The following NUAK2 variants were observed in gnomAD, a reference collection of about 807,000 sequenced individuals.
The protein encoded by NUAK2 is NUAK family SNF1-like kinase 2.
A neutral mutation model predicts 29.8 loss-of-function variants in NUAK2; 20 were observed. That is an observed-to-expected ratio of 0.67 (90% CI 0.47 to 0.98). NUAK2 has a LOEUF of 0.98. Among genes scored for constraint, NUAK2 ranks in the 50% least tolerant of loss-of-function variants. The pLI is 0.00. For synonymous variants in NUAK2, 331 were observed against 342.6 expected (o/e 0.97, Z 0.37); for missense variants, 719 against 834.5 (o/e 0.86, Z 1.71).
At position 205,306,284 on chromosome 1, in the gene NUAK2, G is replaced by C. The variant is rs749879707; in HGVS notation, c.594C>G (p.Asn198Lys). The C allele has an allele frequency of 1.2e-6, 2 of 1,613,616 alleles. No individual in the cohort carries two copies. Residue 198 changes from asparagine (N) to lysine (K), a missense_variant, in exon 5 of 7, where the codon AAC (asparagine) becomes AAG (lysine). By Grantham distance (94) the Asn-to-Lys change is moderately conservative. Around this residue, in one of 3 missense-constraint regions of NUAK2, gnomAD observed 283 missense variants for 345.6 expected, o/e 0.82. Coordinates refer to ENST00000367157, the MANE Select transcript of NUAK2 (RefSeq NM_030952.3). ...GCAGGAACTTGCCTTGATGGTAGAGGTTGGAGAGACCGAAGTCAGCAATCT... is the reference window on the plus strand; with the variant it reads ...GCAGGAACTTGCCTTGATGGTAGAGCTTGGAGAGACCGAAGTCAGCAATCT... ...NIKIADFGLS[N>K]LYHQGKFLQT...
In NUAK2 at chr1:205,309,821, A is replaced by T. The variant is rs182805088; in HGVS notation, c.353-1089T>A. 6.6e-5 allele frequency among the ~76,000 whole-genome samples: 10 copies of T among 152,332 alleles called. 1 individual carries two copies. Among genetic ancestry groups the T allele is most frequent in the African/African-American group, 1.9e-4 (8 of 41,564 alleles). ...GAGGATCCAGGGCAGGGCCTCATGC[A>T]TAAGGCCTTGTACACAGAAGCAATC... On this transcript the variant is annotated intron_variant, in intron 2 of 6. Coordinates refer to ENST00000367157, the MANE Select transcript of NUAK2 (RefSeq NM_030952.3).
chr1:205,309,812 G>A (rs982232964), intron 2 of NUAK2, among the ~76,000 whole-genome samples: 2 of 152,202 alleles, frequency 1.3e-5, no homozygotes, highest in African/African-American at 4.8e-5. Flanking sequence ...CCAGGGCAGG[G>A]CCTCATGCAT....
At chr1:205,320,251 T>TC (rs1553381515) in intron 1 of NUAK2, among the ~76,000 whole-genome samples, 1 of 151,008 alleles carries the variant, frequency 6.6e-6, no homozygotes, top group Non-Finnish European at 1.5e-5. Context: ...TTTTTTTGTT[T>TC]GTTTCGTTTT....
Position 205,303,269 on chromosome 1 carries a change from C to G in NUAK2, c.*181G>C, listed in dbSNP as rs999396471. Reference sequence around the variant, plus strand: ...GCAGGGCTGAAGACAGACACTGAACCCTTGGCGCATTTCATTTGCCTACTT... The same window carrying G: ...GCAGGGCTGAAGACAGACACTGAACGCTTGGCGCATTTCATTTGCCTACTT... On this transcript the variant is annotated 3_prime_UTR_variant, in exon 7 of 7. Transcript: ENST00000367157. 7.9e-6 allele frequency: 4 copies of G among 508,106 alleles called. No individual in the cohort carries two copies. Among genetic ancestry groups the G allele is most frequent in the African/African-American group, 5.9e-5 (3 of 50,834 alleles). The allele number at this position is 508,106 out of a possible 1,614,324, so 31.5% of individuals were successfully genotyped here.
In NUAK2 at chr1:205,321,391, C is replaced by CA. The variant is rs1391197576; in HGVS notation, c.231+6dup. On this transcript the variant is annotated splice_region_variant and intron_variant, in intron 1 of 6. Coordinates refer to ENST00000367157, the MANE Select transcript of NUAK2 (RefSeq NM_030952.3). ...CGCCCCGCGCCGCGAGAGGGAGCCG[C>CA]ACTCACCAGGCGCCCCGAGCTCTCC... The CA allele has an allele frequency of 1.2e-6, 2 of 1,611,372 alleles. No homozygotes were observed. Among genetic ancestry groups the CA allele is most frequent in the Non-Finnish European group, 1.7e-6 (2 of 1,178,824 alleles).
In NUAK2 at chr1:205,304,317, G is replaced by A. The variant is rs780455513; in HGVS notation, c.1020C>T (p.Ser340=). Residue 340 remains serine, a synonymous_variant, in exon 7 of 7, where the codon TCC becomes TCT. Transcript: ENST00000367157. The surrounding 1 kb of genome is among the most constrained non-coding windows in gnomAD (Gnocchi z 6.5). The part of the protein sequence containing the change: ...ASMADWLRRS[S]RPLLENGAKV... ...TGGCCCCATTCTCCAGGAGGGGGCGGGAGGAACGCCGGAGCCAGTCAGCCA... is the reference window on the plus strand; with the variant it reads ...TGGCCCCATTCTCCAGGAGGGGGCGAGAGGAACGCCGGAGCCAGTCAGCCA... The A allele has an allele frequency of 8.1e-6, 13 of 1,610,280 alleles. No individual in the cohort carries two copies. The highest frequency in any genetic ancestry group is 1.1e-5 in the Non-Finnish European group (13 of 1,177,582).
At chr1:205,319,010 G>T (rs191069424) in intron 1 of NUAK2, among the ~76,000 whole-genome samples, 1 of 151,960 alleles carries the variant, frequency 6.6e-6, no homozygotes, top group Admixed American at 6.6e-5. Flanking sequence ...CATTCTAGGG[G>T]AGGTCTTGGG....
At chr1:205,317,377 G>A (rs754871145) in intron 1 of NUAK2, among the ~76,000 whole-genome samples, 1 of 152,218 alleles carries the variant, frequency 6.6e-6, no homozygotes, top group Non-Finnish European at 1.5e-5. Context: ...AGCAGCTGCT[G>A]TCTGGGAGGC....
intron 1 of NUAK2, among the ~76,000 whole-genome samples, chr1:205,320,522 CCA>C (rs958701827): frequency 6.2e-4 from 94 of 152,276 alleles, no homozygotes; most frequent in African/African-American, 2.2e-3. Flanking sequence ...CCTCGGCCTC[CCA>C]CAGTGCTGGG....
At chr1:205,321,189 G>A (rs1662411091) in intron 1 of NUAK2, among the ~76,000 whole-genome samples, 1 of 152,156 alleles carries the variant, frequency 6.6e-6, no homozygotes, top group Admixed American at 6.5e-5. Flanking sequence ...TTGCTGGCTG[G>A]GGTTCGCAAG....
At position 205,304,528 on chromosome 1, in the gene NUAK2, G is replaced by T; in HGVS notation, c.824-15C>A. On this transcript the variant is annotated splice_polypyrimidine_tract_variant and intron_variant, in intron 6 of 6. Coordinates refer to ENST00000367157, the MANE Select transcript of NUAK2 (RefSeq NM_030952.3). This position sits in a 1 kb window ranked among gnomAD's most constrained non-coding sequence, Gnocchi z 6.5. ...GCCACAGGCATCTGGAAGACAAAAG[G>T]CAGGTGCTTCAGTTTGGCAGCTCCC... 2 of 1,497,744 alleles carry T rather than the reference G, an allele frequency of 1.3e-6. No individual in the cohort carries two copies. The highest frequency in any genetic ancestry group is 1.8e-6 in the Non-Finnish European group (2 of 1,124,210). The allele number at this position is 1,497,744 out of a possible 1,614,324, so 92.8% of individuals were successfully genotyped here. A position where few individuals can be genotyped will look rare whatever the true frequency, so the allele number is the denominator to read the frequency against.
At position 205,306,301 on chromosome 1, in the gene NUAK2, C is replaced by T. The variant is rs550893593; in HGVS notation, c.577G>A (p.Asp193Asn). The change falls in exon 5 of 7, where the codon GAC becomes AAC. Residue 193 changes from aspartate (D) to asparagine (N), a missense_variant. Asp to Asn is a conservative substitution (Grantham distance 23). Transcript: ENST00000367157. ...TGGTAGAGGTTGGAGAGACCGAAGTCAGCAATCTGCAGGATTGAGTCAAAC... is the reference window on the plus strand; with the variant it reads ...TGGTAGAGGTTGGAGAGACCGAAGTTAGCAATCTGCAGGATTGAGTCAAAC... ...LDANGNIKIADFGLSNLYHQG... is the reference protein window; with the variant it reads ...LDANGNIKIANFGLSNLYHQG... 6.2e-7 allele frequency: 1 copy of T among 1,611,264 alleles called. No homozygotes were observed. Among genetic ancestry groups the T allele is most frequent in the Non-Finnish European group, 8.5e-7 (1 of 1,178,864 alleles).
Position 205,303,774 on chromosome 1 carries a change from G to A in NUAK2, c.1563C>T (p.Phe521=), listed in dbSNP as rs565958619. Residue 521 remains phenylalanine (F), a synonymous_variant, in exon 7 of 7, where the codon TTC becomes TTT. Transcript: ENST00000367157. ...GTGGGGCGAGTTCATCCAGGGAGCC[G>A]AAGGTGGTGGGGGCCGCGAGCTCCA... The part of the protein sequence containing the change: ...TALELAAPTT[F]GSLDELAPPR... 27 of 1,554,874 alleles carry A rather than the reference G, an allele frequency of 1.7e-5. No homozygotes were observed. The highest frequency in any genetic ancestry group is 1.1e-4 in the South Asian group (9 of 81,062).
At chr1:205,320,413 C>T (rs1662396282) in intron 1 of NUAK2, among the ~76,000 whole-genome samples, 1 of 152,080 alleles carries the variant, frequency 6.6e-6, no homozygotes, top group Non-Finnish European at 1.5e-5. Context: ...TACAGGCGTC[C>T]GCCACCACGC....
rs774542702 is a variant in NUAK2 at position 205,311,699 on chromosome 1, C to A, written c.352+6G>T. ...CCCAAGTTCCAGCTTTAAGTGCCCA[C>A]TGTACCTTCATGGATGGCAATGATG... On this transcript the variant is annotated splice_donor_region_variant and intron_variant, in intron 2 of 6. Transcript: ENST00000367157. 1.2e-6 allele frequency: 2 copies of A among 1,614,142 alleles called. No homozygotes were observed. Among genetic ancestry groups the A allele is most frequent in the Non-Finnish European group, 1.7e-6 (2 of 1,179,976 alleles).
intron 1 of NUAK2, among the ~76,000 whole-genome samples, chr1:205,319,660 T>C (rs1239778195): frequency 6.6e-6 from 1 of 152,072 alleles, no homozygotes; most frequent in African/African-American, 2.4e-5. Flanking sequence ...CCTCACACTT[T>C]GCAGAAAGAG....
Position 205,308,572 on chromosome 1 carries a change from G to A in NUAK2, c.504+9C>T, listed in dbSNP as rs761547128. The A allele has an allele frequency of 6.2e-7, 1 of 1,611,080 alleles. No homozygotes were observed. The highest frequency in any genetic ancestry group is 8.5e-7 in the Non-Finnish European group (1 of 1,177,532). ...ACTGAGAATATGGCTGGAGCAGGTAGGTGCTCACCTGATGGCAATAGTGCA... is the reference window on the plus strand; with the variant it reads ...ACTGAGAATATGGCTGGAGCAGGTAAGTGCTCACCTGATGGCAATAGTGCA... On this transcript the variant is annotated intron_variant, in intron 3 of 6. Transcript: ENST00000367157. This position sits in a 1 kb window ranked among gnomAD's most constrained non-coding sequence, Gnocchi z 4.1.
chr1:205,317,972 CTG>C (rs1662353583), intron 1 of NUAK2, among the ~76,000 whole-genome samples: 1 of 152,236 alleles, frequency 6.6e-6, no homozygotes, highest in African/African-American at 2.4e-5. Flanking sequence ...GATAATAACA[CTG>C]TGTGTGTCAG....
At chr1:205,307,189 G>T (rs1442468137) in intron 4 of NUAK2, among the ~76,000 whole-genome samples, 1 of 152,182 alleles carries the variant, frequency 6.6e-6, no homozygotes, top group African/African-American at 2.4e-5. Context: ...ACATCAGAGG[G>T]TTATGTGTAT....
Sources: allele counts gnomAD v4.1 joint callset (sites outside exome capture counted in the v4.1 genomes callset), GRCh38; gene constraint gnomAD v4.1.1; regional missense constraint gnomAD v4.1.1; non-coding constraint Gnocchi (gnomAD v3.1); transcripts MANE v1.5; gene names NCBI Gene and HGNC (gene_info 2026-07-23, HGNC 2026-07-21).